Variants in GREB1 observed in about 807,000 individuals in gnomAD.
GREB1 encodes the protein growth regulating estrogen receptor binding 1.
GREB1 carries 106 observed loss-of-function variants against 200.7 expected under a neutral mutation model. The observed-to-expected ratio is 0.53, with a 90% CI of 0.45 to 0.62. The LOEUF is 0.62. Among genes scored for constraint, GREB1 ranks in the 20% least tolerant of loss-of-function variants. GREB1 has a pLI of 0.00. For synonymous variants in GREB1, 1,132 were observed against 1,092.4 expected (o/e 1.04, Z -0.72); for missense variants, 2,243 against 2,556.8 (o/e 0.88, Z 2.65).
intron 1 of GREB1, among the ~76,000 whole-genome samples, chr2:11,506,774 C>G (rs1673192879): frequency 6.6e-6 from 1 of 152,148 alleles, no homozygotes; most frequent in Non-Finnish European, 1.5e-5. Context: ...GCGTGGAACC[C>G]TGAGCTCTGG....
At chr2:11,514,990 G>A (rs184395237) in intron 1 of GREB1, among the ~76,000 whole-genome samples, 39 of 147,772 alleles carry the variant, frequency 2.6e-4, no homozygotes, top group Admixed American at 1.7e-3. Context: ...ATCCATCCGC[G>A]CATGTGTCCA....
At chr2:11,487,933 C>A (rs1388436227) in intron 1 of GREB1, among the ~76,000 whole-genome samples, 4 of 152,110 alleles carry the variant, frequency 2.6e-5, no homozygotes, top group African/African-American at 4.8e-5. Context: ...AAACTGGTGA[C>A]CTGGGAGTTG....
chr2:11,585,534 G>A (rs1467359355), intron 8 of GREB1, among the ~76,000 whole-genome samples: 1 of 152,250 alleles, frequency 6.6e-6, no homozygotes, highest in Non-Finnish European at 1.5e-5. Context: ...GGCTATTTAT[G>A]ACTTGGCAGG....
chr2:11,559,546 G>A (rs779731052), intron 2 of GREB1, among the ~76,000 whole-genome samples: 24 of 152,186 alleles, frequency 1.6e-4, no homozygotes, highest in Admixed American at 2.0e-4. Flanking sequence ...TGGCTGCGAC[G>A]GTGCGGGCCT....
chr2:11,638,936 T>C, intron 32 of GREB1, 127 bp downstream of exon 32: 1 of 971,036 alleles, frequency 1.0e-6, no homozygotes. Context: ...GAGAGGGAAG[T>C]GACTGCCTCA....
intron 1 of GREB1, chr2:11,540,560 A>T (rs921107539): frequency 1.3e-5 from 2 of 154,392 alleles, no homozygotes; most frequent in African/African-American, 4.8e-5. Context: ...ACTCTCTGAC[A>T]TTCTGTGCAC....
chr2:11,541,065 G>A (rs955660187), intron 1 of GREB1, among the ~76,000 whole-genome samples: 1 of 152,204 alleles, frequency 6.6e-6, no homozygotes, highest in African/African-American at 2.4e-5. Context: ...GGTCAGTGAT[G>A]TCTGGAATTT....
chr2:11,623,847 C>A (rs1684208843), intron 23 of GREB1, among the ~76,000 whole-genome samples: 1 of 152,080 alleles, frequency 6.6e-6, no homozygotes, highest in African/African-American at 2.4e-5. Context: ...TGAGATGGTG[C>A]CACTCCATCC....
At chr2:11,614,789 T>C (rs1042973881) in intron 19 of GREB1, among the ~76,000 whole-genome samples, 10 of 152,230 alleles carry the variant, frequency 6.6e-5, no homozygotes, top group African/African-American at 2.4e-4. Context: ...GGTCTCGATC[T>C]CCTGACCTTG....
At position 11,634,082 on chromosome 2, in the gene GREB1, C is replaced by A. The variant is rs1273730726; in HGVS notation, c.4992-49C>A. The A allele has an allele frequency of 8.4e-6, 13 of 1,554,260 alleles. No homozygotes were observed. The South Asian group carries it at 1.3e-4, about 16-fold the overall frequency. The stretch of plus-strand genomic sequence containing the variant: ...ACACTGCCTGGTCCCAAGGACCTTG[C>A]TGCTGCTCGTGTGTCAGCCTAGGGA... On this transcript the variant is annotated intron_variant, in intron 28 of 32. Coordinates refer to ENST00000381486, the MANE Select transcript of GREB1 (RefSeq NM_014668.4).
chr2:11,483,260 GCAC>G (rs1672554565), intron 1 of GREB1, among the ~76,000 whole-genome samples: 2 of 150,090 alleles, frequency 1.3e-5, no homozygotes, highest in African/African-American at 4.9e-5. Context: ...GTGCGTGTGT[GCAC>G]GTGTGTGCGT....
rs1679320899 is a variant in GREB1 at position 11,580,179 on chromosome 2, G to T, written c.773-525G>T. Among the ~76,000 whole-genome samples the T allele has an allele frequency of 6.6e-6, 1 of 152,142 alleles. No homozygotes were observed. Among genetic ancestry groups the T allele is most frequent in the Non-Finnish European group, 1.5e-5 (1 of 68,038 alleles). On this transcript the variant is annotated intron_variant, in intron 6 of 32. Coordinates refer to ENST00000381486, the MANE Select transcript of GREB1 (RefSeq NM_014668.4). This position sits in a 1 kb window ranked among gnomAD's most constrained non-coding sequence, Gnocchi z 4.5. ...CCATGATTCAATTACCTCCCGCCAG[G>T]TCCCTCCCACGACACAGGGGGATTA...
chr2:11,569,819 G>A (rs545135907), intron 4 of GREB1, among the ~76,000 whole-genome samples: 5 of 152,298 alleles, frequency 3.3e-5, no homozygotes, highest in South Asian at 2.1e-4. Context: ...ACATGACAGC[G>A]TGGCACACTG....
intron 22 of GREB1, among the ~76,000 whole-genome samples, chr2:11,620,357 G>A (rs1468388590): frequency 6.6e-6 from 1 of 152,206 alleles, no homozygotes; most frequent in Non-Finnish European, 1.5e-5. Flanking sequence ...AACCAAAATG[G>A]ACTAAGATTA....
chr2:11,627,090 C>A lies in GREB1; in HGVS notation c.4435C>A (p.His1479Asn). 6.3e-7 allele frequency: 1 copy of A among 1,598,212 alleles called. No homozygotes were observed. Among genetic ancestry groups the A allele is most frequent in the Non-Finnish European group, 8.5e-7 (1 of 1,170,746 alleles). Residue 1479 changes from histidine to asparagine, a missense_variant, in exon 25 of 33, where the codon CAC (histidine) becomes AAC (asparagine). His to Asn is a moderately conservative substitution (Grantham distance 68, BLOSUM62 1). Around this residue, in one of 3 missense-constraint regions of GREB1, gnomAD observed 587 missense variants for 553.1 expected, o/e 1.06. Transcript: ENST00000381486. ...GCAGTGCCACCAGTACATGGGCTTC[C>A]ACCCCCGCTACCAGGTAGGCCCCAG... Reference protein sequence around the residue: ...CEQCHQYMGFHPRYQLYESTL... With the variant: ...CEQCHQYMGFNPRYQLYESTL...
chr2:11,513,246 A>C (rs1335759259), intron 1 of GREB1, among the ~76,000 whole-genome samples: 1 of 151,868 alleles, frequency 6.6e-6, no homozygotes, highest in Non-Finnish European at 1.5e-5. Flanking sequence ...TCTGTTAGGG[A>C]CTCGCAGCTC....
chr2:11,588,271 A>T, intron 9 of GREB1: 1 of 1,059,686 alleles, frequency 9.4e-7, no homozygotes, highest in Non-Finnish European at 1.1e-6. Flanking sequence ...CTCTGTGGTG[A>T]TATATTGTCC....
chr2:11,626,942 T>C lies in GREB1; in HGVS notation c.4307-20T>C. 1 of 1,614,014 alleles carries C rather than the reference T, an allele frequency of 6.2e-7. No individual in the cohort carries two copies. The highest frequency in any genetic ancestry group is 2.2e-5 in the East Asian group (1 of 44,874). ...TGCTTTGCTCCCTGCTGCTTTTTAATCCTGGGGAATTTGGTGCAGACAGAG... is the reference window on the plus strand; with the variant it reads ...TGCTTTGCTCCCTGCTGCTTTTTAACCCTGGGGAATTTGGTGCAGACAGAG... On this transcript the variant is annotated intron_variant, in intron 24 of 32. Coordinates refer to ENST00000381486, the MANE Select transcript of GREB1 (RefSeq NM_014668.4).
intron 1 of GREB1, among the ~76,000 whole-genome samples, chr2:11,536,887 A>G (rs1674315936): frequency 1.3e-5 from 2 of 152,228 alleles, no homozygotes; most frequent in Non-Finnish European, 2.9e-5. Context: ...AAAGTTAGCA[A>G]TTTACAGCAC....
Sources: gnomAD v4.1 joint callset for allele counts (sites outside exome capture counted in the v4.1 genomes callset) on GRCh38, gnomAD v4.1.1 for gene constraint, gnomAD v4.1.1 regional missense constraint, Gnocchi (gnomAD v3.1) non-coding constraint, MANE v1.5 for transcripts, NCBI Gene and HGNC (gene_info 2026-07-23, HGNC 2026-07-21) for gene names.